TRAPPC9: variants seen among roughly 807,000 people sequenced by gnomAD.
TRAPPC9 encodes the protein trafficking protein particle complex subunit 9, also known as IKK2 binding protein.
Under a neutral mutation model 124.0 loss-of-function variants are expected in TRAPPC9, and 83 were observed. The observed-to-expected ratio is 0.67, with a 90% CI of 0.56 to 0.80. The LOEUF (loss-of-function observed/expected upper bound fraction) is 0.80, where lower values mean the gene tolerates loss of function less well. Ranked by LOEUF, TRAPPC9 falls within the 30% of genes least tolerant of loss-of-function variation. The pLI is 0.00. For missense variants in TRAPPC9, 1,302 were observed against 1,508.3 expected, an observed-to-expected ratio of 0.86 and a Z score of 2.27; for synonymous variants, 638 against 617.5, an observed-to-expected ratio of 1.03 and a Z score of -0.49.
chr8:140,067,189 G>T (rs1413283690), intron 17 of TRAPPC9, among the ~76,000 whole-genome samples: 4 of 152,126 alleles, frequency 2.6e-5, no homozygotes, highest in Non-Finnish European at 5.9e-5. Flanking sequence ...TGTCTCCCAG[G>T]CTGGAGTGCA....
At position 139,910,195 on chromosome 8, in the gene TRAPPC9, T is replaced by G. The variant is rs529513253; in HGVS notation, c.2916A>C (p.Glu972Asp). 7 of 1,614,210 alleles carry G rather than the reference T, an allele frequency of 4.3e-6. 1 individual carries two copies. The African/African-American group carries it at 9.3e-5, about 22-fold the overall frequency. The part of the protein sequence containing the change: ...NPKQLEEERR[E>D]ARGLEIHSKL... The stretch of plus-strand genomic sequence containing the variant: ...TGCTGTGGATCTCCAGGCCTCGGGC[T>G]TCCCGCCGCTCTTCCTCCAGCTGCT... The change falls in exon 20 of 23, where the codon GAA (glutamate) becomes GAC (aspartate). Residue 972 changes from glutamate (E) to aspartate (D), a missense_variant. This residue lies in a region of TRAPPC9 where 640 missense variants were observed against 679.3 expected (regional missense o/e 0.94). Transcript: ENST00000438773.
chr8:139,883,555 C>T (rs915988042), intron 21 of TRAPPC9, among the ~76,000 whole-genome samples: 2 of 152,250 alleles, frequency 1.3e-5, no homozygotes, highest in African/African-American at 4.8e-5. Flanking sequence ...AAACCAACTT[C>T]CTAGTCCTGG....
At chr8:140,431,864 CT>C (rs886986115) in intron 4 of TRAPPC9, among the ~76,000 whole-genome samples, 31 of 152,300 alleles carry the variant, frequency 2.0e-4, no homozygotes, top group African/African-American at 7.0e-4. Context: ...TTCTTTTCAG[CT>C]TTAAGGTGCT....
chr8:140,312,494 ATTAAAAAAGC>A (rs1203106467), intron 9 of TRAPPC9, among the ~76,000 whole-genome samples: 1 of 152,206 alleles, frequency 6.6e-6, no homozygotes, highest in East Asian at 1.9e-4. Flanking sequence ...GCGATAATAC[ATTAAAAAAGC>A]AGTGAATGGC....
chr8:140,352,726 C>T (rs60598280), intron 9 of TRAPPC9, among the ~76,000 whole-genome samples: 7 of 152,140 alleles, frequency 4.6e-5, no homozygotes, highest in Non-Finnish European at 1.0e-4. Context: ...AGTCAGAGCA[C>T]TGCTAGAGTT....
At chr8:140,266,469 CAAAAAAA>C (rs112160277) in intron 15 of TRAPPC9, among the ~76,000 whole-genome samples, 1 of 89,152 alleles carries the variant, frequency 1.1e-5, no homozygotes, top group Non-Finnish European at 2.4e-5. Context: ...TCTAACAAGA[CAAAAAAA>C]AAAAAAACTT....
intron 17 of TRAPPC9, among the ~76,000 whole-genome samples, chr8:140,061,846 G>A (rs971820519): frequency 2.0e-5 from 3 of 152,214 alleles, no homozygotes; most frequent in South Asian, 4.1e-4. Flanking sequence ...ATGTGCTGGC[G>A]GAACACCTTC....
chr8:140,438,702 A>AT (rs966644454), intron 3 of TRAPPC9, among the ~76,000 whole-genome samples: 29 of 149,712 alleles, frequency 1.9e-4, no homozygotes, highest in East Asian at 5.9e-4. Context: ...ATTTTATTTT[A>AT]TTTTTTTTTG....
At chr8:140,324,759 C>T (rs573908245) in intron 9 of TRAPPC9, among the ~76,000 whole-genome samples, 38 of 152,230 alleles carry the variant, frequency 2.5e-4, no homozygotes, top group Admixed American at 2.3e-3. Flanking sequence ...AACAGAGGGA[C>T]ACCCTGTCTC....
intron 4 of TRAPPC9, among the ~76,000 whole-genome samples, chr8:140,428,327 T>C (rs1564017630): frequency 6.6e-6 from 1 of 152,302 alleles, no homozygotes; most frequent in East Asian, 1.9e-4. Flanking sequence ...ACTATTAATG[T>C]AACGGGAGAC....
chr8:139,806,187 C>T (rs947080345), intron 21 of TRAPPC9: 4 of 152,286 alleles, frequency 2.6e-5, no homozygotes, highest in African/African-American at 9.6e-5. Context: ...GCCAGGGCTC[C>T]CGGAGATCAA....
chr8:139,968,254 C>T (rs935932831), intron 19 of TRAPPC9, among the ~76,000 whole-genome samples: 4 of 152,206 alleles, frequency 2.6e-5, no homozygotes, highest in Non-Finnish European at 2.9e-5. Flanking sequence ...GAAACCCGCA[C>T]CCCTGGCCCA....
intron 16 of TRAPPC9, among the ~76,000 whole-genome samples, chr8:140,248,817 G>C (rs1036921506): frequency 3.3e-5 from 5 of 152,172 alleles, no homozygotes; most frequent in African/African-American, 4.8e-5. Flanking sequence ...ATAGATATCT[G>C]CCAAGAATTT....
rs888816801 is a variant in TRAPPC9 at position 140,353,846 on chromosome 8, A to T, written c.1495+6204T>A. Among the ~76,000 whole-genome samples, 1 of 152,186 alleles carries T rather than the reference A, an allele frequency of 6.6e-6. No homozygotes were observed. Among genetic ancestry groups the T allele is most frequent in the African/African-American group, 2.4e-5 (1 of 41,444 alleles). On this transcript the variant is annotated intron_variant, in intron 9 of 22. Coordinates refer to ENST00000438773, the MANE Select transcript of TRAPPC9 (RefSeq NM_001160372.4). The surrounding 1 kb of genome is among the most constrained non-coding windows in gnomAD (Gnocchi z 4.2). ...CGTAAGGTACCAGGTGCTGCTCCAG[A>T]TATGCGTGACAGTTGGTGTCTTTGA... is the stretch of plus-strand genomic sequence containing the variant.
At position 140,300,454 on chromosome 8, in the gene TRAPPC9, G is replaced by GGATCGAC. The variant is rs748147272; in HGVS notation, c.1768+8_1768+14dup. 6.2e-7 allele frequency: 1 copy of GGATCGAC among 1,614,088 alleles called. No individual in the cohort carries two copies. The highest frequency in any genetic ancestry group is 1.1e-5 in the South Asian group (1 of 91,062). On this transcript the variant is annotated intron_variant, in intron 11 of 22. Transcript: ENST00000438773. ...GTGGCAGAGCACGGTGGGAAAGCCAGGATCGACGTCCTACCTATTTTCTTG... is the reference window on the plus strand; with the variant it reads ...GTGGCAGAGCACGGTGGGAAAGCCAGGATCGACGATCGACGTCCTACCTATTTTCTTG...
rs192504108 is a variant in TRAPPC9, at chr8:140,429,934, G to A, written c.860-3293C>T. ...GGCCGAGGTGGGCAGATCACCTGAT[G>A]TCAGGAGTTCGAGACCAGCTTGGCC... On this transcript the variant is annotated intron_variant, in intron 4 of 22. Coordinates refer to ENST00000438773, the MANE Select transcript of TRAPPC9 (RefSeq NM_001160372.4). Among the ~76,000 whole-genome samples the A allele has an allele frequency of 9.1e-4, 139 of 152,262 alleles. 1 individual carries two copies. The highest frequency in any genetic ancestry group is 2.9e-3 in the African/African-American group (121 of 41,536).
intron 17 of TRAPPC9, among the ~76,000 whole-genome samples, chr8:140,206,347 C>T (rs993751082): frequency 2.6e-5 from 4 of 152,092 alleles, no homozygotes; most frequent in East Asian, 1.9e-4. Flanking sequence ...TGCAGTCTTA[C>T]GTTTGCTTTC....
At chr8:139,944,542 G>T (rs1442145226) in intron 19 of TRAPPC9, among the ~76,000 whole-genome samples, 1 of 152,180 alleles carries the variant, frequency 6.6e-6, no homozygotes, top group Admixed American at 6.5e-5. Context: ...AATTAAGGTT[G>T]TGTATTGTAA....
intron 22 of TRAPPC9, among the ~76,000 whole-genome samples, chr8:139,731,597 G>A (rs934379906): frequency 6.6e-6 from 1 of 152,110 alleles, no homozygotes; most frequent in Admixed American, 6.5e-5. Context: ...GTGGGAGGTG[G>A]GGGCTGAGGG....
Sources: allele counts gnomAD v4.1 joint callset (sites outside exome capture counted in the v4.1 genomes callset), GRCh38; gene constraint gnomAD v4.1.1; regional missense constraint gnomAD v4.1.1; non-coding constraint Gnocchi (gnomAD v3.1); transcripts MANE v1.5; gene names NCBI Gene and HGNC (gene_info 2026-07-23, HGNC 2026-07-21).